The following RIN2 variants were observed in gnomAD, a reference collection of about 807,000 sequenced individuals.
RIN2 encodes the protein Ras and Rab interactor 2, also known as RAB5 interacting protein 2.
Under a neutral mutation model 78.0 loss-of-function variants are expected in RIN2, and 36 were observed. The observed-to-expected ratio is 0.46, with a 90% CI of 0.35 to 0.61. RIN2 has a LOEUF of 0.61. Ranked by LOEUF, RIN2 falls within the 20% of genes least tolerant of loss-of-function variation. The pLI, the probability that RIN2 is intolerant of heterozygous loss-of-function variation, is 0.00. For missense variants in RIN2, 1,087 were observed against 1,159.7 expected (o/e 0.94, Z 0.91); for synonymous variants, 466 against 466.8 (o/e 1.00, Z 0.02).
intron 2 of RIN2, among the ~76,000 whole-genome samples, chr20:19,807,837 A>C (rs1039659799): frequency 6.6e-6 from 1 of 152,230 alleles, no homozygotes; most frequent in Non-Finnish European, 1.5e-5. Flanking sequence ...GATGCAGTTT[A>C]GCTGGAAGGA....
chr20:19,788,055 G>A (rs776574404), intron 1 of RIN2, among the ~76,000 whole-genome samples: 40 of 152,086 alleles, frequency 2.6e-4, no homozygotes, highest in Admixed American at 5.2e-4. Context: ...TACTTAGTGC[G>A]ATCTCAGCAA....
At chr20:19,889,486 C>A in intron 2 of RIN2, 80 bp from the exon 3 acceptor site, 1 of 1,343,260 alleles carries the variant, frequency 7.4e-7, no homozygotes, top group Non-Finnish European at 1.0e-6. Flanking sequence ...CTTGGCAGGA[C>A]TGTTGTTGTG....
At chr20:19,942,245 G>A (rs1380459594) in intron 4 of RIN2, among the ~76,000 whole-genome samples, 1 of 152,138 alleles carries the variant, frequency 6.6e-6, no homozygotes, top group Non-Finnish European at 1.5e-5. Flanking sequence ...GTAACGAAAT[G>A]GGACATAATA....
In RIN2 at chr20:19,975,052, C is replaced by T. The variant is rs765998473; in HGVS notation, c.1027C>T (p.His343Tyr). Residue 343 changes from histidine to tyrosine, a missense_variant, in exon 9 of 13, where the codon CAT (histidine) becomes TAT (tyrosine). Around this residue, in one of 8 missense-constraint regions of RIN2, gnomAD observed 706 missense variants for 667.5 expected, o/e 1.06. Coordinates refer to ENST00000255006, the MANE Select transcript of RIN2 (RefSeq NM_018993.4). This position sits in a 1 kb window ranked among gnomAD's most constrained non-coding sequence, Gnocchi z 4.9. ...SMPETVNHNKHGNVALPGTKP... is the reference protein window; with the variant it reads ...SMPETVNHNKYGNVALPGTKP... Reference sequence around the variant, plus strand: ...GCCAGAAACAGTCAACCATAACAAACATGGGAACGTAGCTCTGCCTGGAAC... The same window carrying T: ...GCCAGAAACAGTCAACCATAACAAATATGGGAACGTAGCTCTGCCTGGAAC... 6 of 1,606,652 alleles carry T rather than the reference C, an allele frequency of 3.7e-6. No individual in the cohort carries two copies. The highest frequency in any genetic ancestry group is 5.1e-6 in the Non-Finnish European group (6 of 1,176,508).
chr20:19,941,236 G>A (rs1179395123), intron 4 of RIN2, among the ~76,000 whole-genome samples: 2 of 152,156 alleles, frequency 1.3e-5, no homozygotes, highest in African/African-American at 4.8e-5. Flanking sequence ...TGACAGCATT[G>A]ACATTATAAC....
At chr20:19,895,842 A>G (rs754686325) in intron 3 of RIN2, 8 of 152,274 alleles carry the variant, frequency 5.3e-5, no homozygotes, top group Non-Finnish European at 1.2e-4. Flanking sequence ...AAATCTGGCT[A>G]TACCGAATAG....
intron 3 of RIN2, among the ~76,000 whole-genome samples, chr20:19,896,577 A>G (rs769800882): frequency 7.2e-5 from 11 of 152,198 alleles, no homozygotes; most frequent in Non-Finnish European, 1.0e-4. Context: ...CATCCCCACA[A>G]TGTATCAGCC....
At chr20:19,954,138 C>A (rs776854126) in intron 4 of RIN2, among the ~76,000 whole-genome samples, 3 of 152,312 alleles carry the variant, frequency 2.0e-5, no homozygotes, top group Admixed American at 6.5e-5. Flanking sequence ...CAAAAATGAT[C>A]GGCATAGGTT....
intron 2 of RIN2, among the ~76,000 whole-genome samples, chr20:19,803,806 A>G (rs1365767042): frequency 6.6e-6 from 1 of 152,172 alleles, no homozygotes; most frequent in Non-Finnish European, 1.5e-5. Flanking sequence ...CATTTTCACA[A>G]TATTGATTCT....
In RIN2 at chr20:19,911,501, G is replaced by A. The variant is rs2039464787; in HGVS notation, c.57+21843G>A. Reference sequence around the variant, plus strand: ...CTAAATCCTCCTTGTGTATTTCTGAGGAACAAGGACATTCTCTTGCACAAA... The same window carrying A: ...CTAAATCCTCCTTGTGTATTTCTGAAGAACAAGGACATTCTCTTGCACAAA... On this transcript the variant is annotated intron_variant, in intron 3 of 12. Transcript: ENST00000255006. 3.3e-5 allele frequency among the ~76,000 whole-genome samples: 5 copies of A among 152,126 alleles called. No homozygotes were observed. In the South Asian group the frequency reaches 1.0e-3, roughly 32 times the overall value.
chr20:19,930,063 T>C (rs1257218071), intron 3 of RIN2, among the ~76,000 whole-genome samples: 1 of 97,002 alleles, frequency 1.0e-5, no homozygotes, highest in Non-Finnish European at 1.9e-5. Context: ...CAGGACTGAA[T>C]GGAAGGGGAG....
In RIN2 at chr20:19,989,933, A is replaced by T. The variant is rs1473967174; in HGVS notation, c.1763-73A>T. The T allele has an allele frequency of 1.1e-5, 16 of 1,410,146 alleles. No homozygotes were observed. The South Asian group carries it at 2.3e-4, about 20-fold the overall frequency. The allele number at this position is 1,410,146 out of a possible 1,614,324, so 87.4% of individuals were successfully genotyped here. A position where few individuals can be genotyped will look rare whatever the true frequency, so the allele number is the denominator to read the frequency against. Reference sequence around the variant, plus strand: ...CCAATGCATAGAGTTGCAGATGTCCATTGTAAGAAAGCAGATGTTGCATTT... The same window carrying T: ...CCAATGCATAGAGTTGCAGATGTCCTTTGTAAGAAAGCAGATGTTGCATTT... On this transcript the variant is annotated intron_variant, in intron 9 of 12. Coordinates refer to ENST00000255006, the MANE Select transcript of RIN2 (RefSeq NM_018993.4).
intron 2 of RIN2, among the ~76,000 whole-genome samples, chr20:19,821,113 G>T (rs1006061490): frequency 6.6e-6 from 1 of 152,056 alleles, no homozygotes; most frequent in Non-Finnish European, 1.5e-5. Context: ...GATCCTGCCC[G>T]CTTTAACTCT....
intron 9 of RIN2, among the ~76,000 whole-genome samples, chr20:19,976,768 T>C (rs2042290772): frequency 6.6e-6 from 1 of 152,214 alleles, no homozygotes; most frequent in South Asian, 2.1e-4. Flanking sequence ...CCCCAATTTT[T>C]TCTTTCTGAT....
intron 1 of RIN2, among the ~76,000 whole-genome samples, chr20:19,793,992 C>CA (rs1451301126): frequency 6.6e-6 from 1 of 152,224 alleles, no homozygotes; most frequent in East Asian, 1.9e-4. Context: ...CAGTACCTAA[C>CA]AAAAATCAAT....
At chr20:19,760,060 TGTA>T (rs1354243035) in intron 1 of RIN2, among the ~76,000 whole-genome samples, 10 of 152,208 alleles carry the variant, frequency 6.6e-5, no homozygotes, top group Non-Finnish European at 1.3e-4. Flanking sequence ...CTAATTCAAA[TGTA>T]GGAGGATATT....
chr20:19,843,261 A>C (rs1195882561), intron 2 of RIN2, among the ~76,000 whole-genome samples: 6 of 152,264 alleles, frequency 3.9e-5, no homozygotes, highest in Admixed American at 2.0e-4. Context: ...GGATTTGAGA[A>C]GATTACTCCA....
chr20:19,968,767 T>G (rs999707880), intron 7 of RIN2, among the ~76,000 whole-genome samples: 6 of 152,200 alleles, frequency 3.9e-5, no homozygotes, highest in Admixed American at 1.3e-4. Context: ...TAGATTTTAA[T>G]TAAGTTGGTC....
chr20:19,826,972 T>TG (rs1462714155), intron 2 of RIN2, among the ~76,000 whole-genome samples: 1 of 127,440 alleles, frequency 7.8e-6, no homozygotes, highest in African/African-American at 3.5e-5. Flanking sequence ...CGTTTGGTTT[T>TG]GGGTTTTTTT....
Sources: gnomAD v4.1 joint callset for allele counts (sites outside exome capture counted in the v4.1 genomes callset) on GRCh38, gnomAD v4.1.1 for gene constraint, gnomAD v4.1.1 regional missense constraint, Gnocchi (gnomAD v3.1) non-coding constraint, MANE v1.5 for transcripts, NCBI Gene and HGNC (gene_info 2026-07-23, HGNC 2026-07-21) for gene names.